Variants in EIF3A observed in about 807,000 individuals in gnomAD.
EIF3A encodes EIF3, p180 subunit.
EIF3A carries 21 observed loss-of-function variants against 186.6 expected under a neutral mutation model. The ratio of observed to expected loss-of-function variants is 0.11; its 90% CI spans 0.08 to 0.16. The LOEUF (loss-of-function observed/expected upper bound fraction) is 0.16. Ranked by LOEUF, EIF3A falls within the 10% of genes least tolerant of loss-of-function variation. The pLI, the probability that EIF3A is intolerant of heterozygous loss-of-function variation, is 1.00. For synonymous variants in EIF3A, 563 were observed against 584.3 expected (o/e 0.96, Z 0.52); for missense variants, 1,306 against 1,796.3 (o/e 0.73, Z 4.93).
At chr10:119,050,773 T>C (rs1038614628) in intron 15 of EIF3A, 99 bp from the exon 16 acceptor site, 2 of 1,330,402 alleles carry the variant, frequency 1.5e-6, no homozygotes, top group East Asian at 4.7e-5. Flanking sequence ...CTCAAGTGTA[T>C]CAGAATCATC....
intron 1 of EIF3A, among the ~76,000 whole-genome samples, chr10:119,079,458 A>G (rs146901422): frequency 7.2e-4 from 109 of 152,352 alleles, no homozygotes; most frequent in African/African-American, 2.5e-3. Context: ...TCCAAACATA[A>G]AACTGTAACT....
chr10:119,059,939 C>T (rs1843856719), intron 9 of EIF3A: 2 of 604,972 alleles, frequency 3.3e-6, no homozygotes, highest in South Asian at 3.4e-5. Flanking sequence ...TTTTCAAATC[C>T]TAGTTGTTGT....
chr10:119,042,654 G>A lies in EIF3A; in HGVS notation c.2866C>T (p.Arg956Trp), dbSNP rs144099570. 5.6e-6 allele frequency: 9 copies of A among 1,614,158 alleles called. No individual in the cohort carries two copies. The highest frequency in any genetic ancestry group is 1.6e-4 in the Middle Eastern group (1 of 6,062). The part of the protein sequence containing the change: ...REPSLRPDDD[R>W]VPRRGMDDDR... ...TCATCCATGCCACGCCGGGGAACCC[G>A]ATCATCGTCTGGTCTAAGAGAGGGC... The change falls in exon 19 of 22, where the codon CGG becomes TGG. Residue 956 changes from arginine (R) to tryptophan (W), a missense_variant. This residue lies in a region of EIF3A where 410 missense variants were observed against 473.5 expected (regional missense o/e 0.87). Transcript: ENST00000369144. This position sits in a 1 kb window ranked among gnomAD's most constrained non-coding sequence, Gnocchi z 7.8.
At chr10:119,059,495 C>G (rs1303074438) in intron 10 of EIF3A, 98 bp from the exon 11 acceptor site, 1 of 1,281,758 alleles carries the variant, frequency 7.8e-7, no homozygotes, top group Non-Finnish European at 1.1e-6. Context: ...AAAGTTCACT[C>G]AGTAAACTTT....
chr10:119,070,244 G>A (rs1166748835), intron 5 of EIF3A, among the ~76,000 whole-genome samples: 2 of 152,152 alleles, frequency 1.3e-5, no homozygotes, highest in Admixed American at 1.3e-4. Flanking sequence ...TATATGGAAC[G>A]TCTTTGTAGG....
intron 19 of EIF3A, among the ~76,000 whole-genome samples, chr10:119,040,279 G>C (rs1848190058): frequency 6.6e-6 from 1 of 152,176 alleles, no homozygotes; most frequent in African/African-American, 2.4e-5. Context: ...CAAGCAATGG[G>C]AATGGAGAGG....
At position 119,069,504 on chromosome 10, in the gene EIF3A, G is replaced by A. The variant is rs776219979; in HGVS notation, c.892C>T (p.Arg298Cys). The A allele has an allele frequency of 4.4e-6, 7 of 1,587,144 alleles. No homozygotes were observed. The highest frequency in any genetic ancestry group is 4.3e-6 in the Non-Finnish European group (5 of 1,155,388). The change falls in exon 6 of 22, where the codon CGT becomes TGT. Residue 298 changes from arginine (R) to cysteine (C), a missense_variant. This residue lies in a region of EIF3A where 267 missense variants were observed against 367.8 expected (regional missense o/e 0.73). Coordinates refer to ENST00000369144, the MANE Select transcript of EIF3A (RefSeq NM_003750.4). ...NALFHASTLH[R>C]LYHLSREMRK... is the part of the protein sequence containing the mutation. ...ATTTCTCTAGAGAGATGGTAAAGAC[G>A]ATGGAGTGTAGATGCATGAAAAAGA...
intron 19 of EIF3A, among the ~76,000 whole-genome samples, chr10:119,038,994 A>G (rs1243688288): frequency 6.6e-6 from 1 of 152,178 alleles, no homozygotes; most frequent in African/African-American, 2.4e-5. Context: ...TCCATAAAAC[A>G]AAAGTATCAC....
rs1848112600 is a variant in EIF3A at position 119,035,272 on chromosome 10, T to A, written c.*767A>T. On this transcript the variant is annotated 3_prime_UTR_variant, in exon 22 of 22. Transcript: ENST00000369144. ...CCAAACCATACATTTATAAATATTG[T>A]CATATTTAAAATGCTTGAAAGGCAT... The A allele has an allele frequency of 6.6e-6, 1 of 152,578 alleles. No individual in the cohort carries two copies. The highest frequency in any genetic ancestry group is 1.5e-5 in the Non-Finnish European group (1 of 68,036). 9.5% of individuals were successfully genotyped at this position (152,578 alleles called of 1,614,324 possible).
chr10:119,075,254 C>T (rs983987738), intron 1 of EIF3A, among the ~76,000 whole-genome samples: 26 of 151,718 alleles, frequency 1.7e-4, no homozygotes, highest in African/African-American at 6.0e-4. Flanking sequence ...GTCACCATGC[C>T]CAGACAACTT....
chr10:119,040,594 G>T (rs182905346), intron 19 of EIF3A, among the ~76,000 whole-genome samples: 19 of 152,326 alleles, frequency 1.2e-4, no homozygotes, highest in African/African-American at 4.6e-4. Flanking sequence ...AAAACTGGCC[G>T]GGGCAGTGGC....
At chr10:119,074,420 G>A (rs539591930) in intron 1 of EIF3A, among the ~76,000 whole-genome samples, 4 of 152,024 alleles carry the variant, frequency 2.6e-5, no homozygotes, top group East Asian at 1.9e-4. Flanking sequence ...AGCCGAGATC[G>A]CACCATTGCA....
chr10:119,075,672 T>C (rs1266749718), intron 1 of EIF3A, among the ~76,000 whole-genome samples: 1 of 130,244 alleles, frequency 7.7e-6, no homozygotes, highest in Non-Finnish European at 1.7e-5. Context: ...ATATATCTCC[T>C]TTTTAAAAAT....
Position 119,039,142 on chromosome 10 carries a change from C to T in EIF3A, c.3527-703G>A, listed in dbSNP as rs750870379. ...ATTTTGAGGTATTTATACCTTGCAA[C>T]GTTTTCAAGCCCTTCATATCCAAAA... is the stretch of plus-strand genomic sequence containing the variant. On this transcript the variant is annotated intron_variant, in intron 19 of 21. Transcript: ENST00000369144. Among the ~76,000 whole-genome samples the T allele has an allele frequency of 1.6e-4, 25 of 152,122 alleles. 1 individual carries two copies. Among genetic ancestry groups the T allele is most frequent in the African/African-American group, 4.1e-4 (17 of 41,412 alleles).
At chr10:119,080,382 G>A (rs1398923387) in intron 1 of EIF3A, 1 of 985,324 alleles carries the variant, frequency 1.0e-6, no homozygotes, top group Non-Finnish European at 1.2e-6. Flanking sequence ...CGACGCACCC[G>A]GAGGCGGCAG....
At chr10:119,074,188 G>A (rs369013992) in intron 1 of EIF3A, among the ~76,000 whole-genome samples, 15 of 152,240 alleles carry the variant, frequency 9.9e-5, no homozygotes, top group Middle Eastern at 3.4e-3. Flanking sequence ...GTTCCAGGCC[G>A]GGCGCAGTGG....
rs764686771 is a variant in EIF3A, at chr10:119,061,320, A to C, written c.1131T>G (p.Phe377Leu). The C allele has an allele frequency of 6.6e-7, 1 of 1,515,836 alleles. No individual in the cohort carries two copies. Among genetic ancestry groups the C allele is most frequent in the Admixed American group, 1.8e-5 (1 of 54,076 alleles). The allele number at this position is 1,515,836 out of a possible 1,614,324, so 93.9% of individuals were successfully genotyped here. The change falls in exon 8 of 22, where the codon TTT becomes TTG. Residue 377 changes from phenylalanine to leucine, a missense_variant. By Grantham distance (22) the Phe-to-Leu change is conservative. This residue lies in a region of EIF3A where 267 missense variants were observed against 367.8 expected (regional missense o/e 0.73). Transcript: ENST00000369144. ...RIGLINDMVR[F>L]NVLQYVVPEV... Reference sequence around the variant, plus strand: ...CTGGGACAACATATTGTAGTACATTAAATCTGACCTACAGTAAGCAAAACA... The same window carrying C: ...CTGGGACAACATATTGTAGTACATTCAATCTGACCTACAGTAAGCAAAACA...
chr10:119,049,736 T>A, intron 17 of EIF3A, 65 bp downstream of exon 17: 1 of 1,433,632 alleles, frequency 7.0e-7, no homozygotes, highest in Admixed American at 1.9e-5. Flanking sequence ...AGAGCAAGAC[T>A]GTGCCTCAAC....
intron 1 of EIF3A, among the ~76,000 whole-genome samples, chr10:119,079,951 C>G (rs1327339269): frequency 7.2e-5 from 11 of 152,140 alleles, no homozygotes; most frequent in African/African-American, 2.7e-4. Flanking sequence ...TCGAAACAGG[C>G]TTTAGGACTG....
Sources: gnomAD v4.1 joint callset for allele counts (sites outside exome capture counted in the v4.1 genomes callset) on GRCh38, gnomAD v4.1.1 for gene constraint, gnomAD v4.1.1 regional missense constraint, Gnocchi (gnomAD v3.1) non-coding constraint, MANE v1.5 for transcripts, NCBI Gene and HGNC (gene_info 2026-07-23, HGNC 2026-07-21) for gene names.